FBXL17: variants seen among roughly 807,000 people sequenced by gnomAD.
The protein encoded by FBXL17 is F-box/LRR-repeat protein 17.
Under a neutral mutation model 66.2 loss-of-function variants are expected in FBXL17, and 22 were observed. The ratio of observed to expected loss-of-function variants is 0.33; its 90% CI spans 0.24 to 0.47. The LOEUF (loss-of-function observed/expected upper bound fraction) is 0.47, where lower values mean the gene tolerates loss of function less well. Among genes scored for constraint, FBXL17 ranks in the 20% least tolerant of loss-of-function variants. The probability of loss-of-function intolerance (pLI) is 1.00; values close to 1 mark genes in which losing one functional copy is unlikely to be tolerated. For missense variants in FBXL17, 878 were observed against 948.2 expected (o/e 0.93, Z 0.97); for synonymous variants, 474 against 400.5 (o/e 1.18, Z -2.19).
intron 6 of FBXL17, among the ~76,000 whole-genome samples, chr5:108,149,371 T>C (rs2149994475): frequency 6.6e-6 from 1 of 152,354 alleles, no homozygotes; most frequent in South Asian, 2.1e-4. Context: ...ATTTGAAGAA[T>C]ATCTTAGCTA....
intron 7 of FBXL17, among the ~76,000 whole-genome samples, chr5:107,950,294 C>T (rs1751454398): frequency 6.6e-6 from 1 of 151,856 alleles, no homozygotes; most frequent in Admixed American, 6.6e-5. Flanking sequence ...ATATTTGATC[C>T]CTATTTAACA....
At chr5:108,206,001 C>T (rs1445759374) in intron 5 of FBXL17, among the ~76,000 whole-genome samples, 1 of 152,136 alleles carries the variant, frequency 6.6e-6, no homozygotes, top group African/African-American at 2.4e-5. Context: ...TCTCACTTTT[C>T]TTCATGCTAA....
intron 6 of FBXL17, among the ~76,000 whole-genome samples, chr5:108,085,199 T>A (rs1748922312): frequency 6.6e-6 from 1 of 152,362 alleles, no homozygotes; most frequent in Non-Finnish European, 1.5e-5. Context: ...TTTATAAGTT[T>A]AATTTTAACC....
chr5:108,161,197 C>CATACATACATA (rs1561440676), intron 6 of FBXL17, among the ~76,000 whole-genome samples: 3 of 147,914 alleles, frequency 2.0e-5, no homozygotes, highest in South Asian at 2.2e-4. Flanking sequence ...TACATACATA[C>CATACATACATA]CCCAGCCCAG....
chr5:108,299,814 C>G, intron 4 of FBXL17: 3 of 984,936 alleles, frequency 3.0e-6, no homozygotes, highest in Non-Finnish European at 3.6e-6. Context: ...GACACAATAA[C>G]ACGACAAAAT....
At chr5:107,967,680 T>TA (rs538448000) in intron 7 of FBXL17, among the ~76,000 whole-genome samples, 294 of 143,060 alleles carry the variant, frequency 2.1e-3, no homozygotes, top group Admixed American at 5.6e-3. Flanking sequence ...TAAAGTATAA[T>TA]AAAAAAAAAA....
At chr5:108,068,962 T>A (rs567631869) in intron 6 of FBXL17, among the ~76,000 whole-genome samples, 10 of 152,302 alleles carry the variant, frequency 6.6e-5, no homozygotes, top group African/African-American at 2.4e-4. Flanking sequence ...GGCCTTGGAA[T>A]TGATGTAAGA....
intron 7 of FBXL17, among the ~76,000 whole-genome samples, chr5:107,931,257 ATTTT>A (rs59275945): frequency 9.2e-4 from 105 of 113,772 alleles, no homozygotes; most frequent in African/African-American, 2.7e-3. Flanking sequence ...GTTAAAGAGA[ATTTT>A]TTTTTTTTTT....
At position 107,919,367 on chromosome 5, in the gene FBXL17, C is replaced by T. The variant is rs76324674; in HGVS notation, c.1823-38188G>A. On this transcript the variant is annotated intron_variant, in intron 7 of 8. Coordinates refer to ENST00000542267, the MANE Select transcript of FBXL17 (RefSeq NM_001163315.3). The stretch of plus-strand genomic sequence containing the variant: ...GTCCAAGCCTGGATTACTGATGGAT[C>T]GCAACAGCTTCCTGACAGGTACCTC... Among the ~76,000 whole-genome samples the T allele has an allele frequency of 6.4e-4, 98 of 152,268 alleles. 3 individuals are homozygous for T. In the East Asian group the frequency reaches 0.014, roughly 21 times the overall value.
At chr5:108,241,266 A>T (rs1327074353) in intron 4 of FBXL17, among the ~76,000 whole-genome samples, 1 of 152,222 alleles carries the variant, frequency 6.6e-6, no homozygotes, top group East Asian at 1.9e-4. Context: ...GCAGAGAAGG[A>T]ATTCAGAATT....
chr5:108,112,632 A>G (rs1365819696), intron 6 of FBXL17, among the ~76,000 whole-genome samples: 2 of 152,220 alleles, frequency 1.3e-5, no homozygotes, highest in Non-Finnish European at 2.9e-5. Context: ...ATATAAATAG[A>G]CATATAAATG....
chr5:108,104,931 T>C (rs1749736502), intron 6 of FBXL17, among the ~76,000 whole-genome samples: 1 of 152,094 alleles, frequency 6.6e-6, no homozygotes, highest in Non-Finnish European at 1.5e-5. Flanking sequence ...AACCCCCACC[T>C]CCCGGGTTCA....
intron 7 of FBXL17, among the ~76,000 whole-genome samples, chr5:108,018,198 T>C (rs926862672): frequency 6.6e-6 from 1 of 152,144 alleles, no homozygotes; most frequent in Non-Finnish European, 1.5e-5. Flanking sequence ...AGGATGAATT[T>C]CCCGCTGTAT....
intron 4 of FBXL17, among the ~76,000 whole-genome samples, chr5:108,288,767 A>T (rs540270028): frequency 6.6e-6 from 1 of 152,074 alleles, no homozygotes; most frequent in East Asian, 1.9e-4. Flanking sequence ...TACAATAACA[A>T]AAAAGTTGAA....
chr5:108,082,036 C>T (rs1175206027), intron 6 of FBXL17, among the ~76,000 whole-genome samples: 2 of 152,026 alleles, frequency 1.3e-5, no homozygotes, highest in Non-Finnish European at 2.9e-5. Flanking sequence ...GGGCAGAAGC[C>T]TAGTAGTTGA....
chr5:108,105,121 G>A (rs148192343), intron 6 of FBXL17, among the ~76,000 whole-genome samples: 5 of 152,304 alleles, frequency 3.3e-5, no homozygotes, highest in East Asian at 3.9e-4. Context: ...GATTACAGGC[G>A]TGAGCCACCA....
intron 7 of FBXL17, among the ~76,000 whole-genome samples, chr5:108,005,137 A>C (rs934709831): frequency 1.3e-5 from 2 of 151,266 alleles, no homozygotes; most frequent in African/African-American, 4.9e-5. Context: ...TGGAGACCAG[A>C]CTGAATAGGC....
chr5:107,996,558 G>A (rs11744774), intron 7 of FBXL17, among the ~76,000 whole-genome samples: 34,174 of 152,110 alleles, frequency 0.22, 4,270 homozygotes, highest in Middle Eastern at 0.29. Context: ...CAGGTGATCC[G>A]CCCACTTGGG....
At chr5:107,875,623 G>A (rs1748596353) in intron 8 of FBXL17, among the ~76,000 whole-genome samples, 2 of 152,066 alleles carry the variant, frequency 1.3e-5, no homozygotes, top group African/African-American at 4.8e-5. Flanking sequence ...TTATGGATTT[G>A]ATTTTAAAAA....
Sources: gnomAD v4.1 joint callset for allele counts (sites outside exome capture counted in the v4.1 genomes callset) on GRCh38, gnomAD v4.1.1 for gene constraint, MANE v1.5 for transcripts, NCBI Gene and HGNC (gene_info 2026-07-23, HGNC 2026-07-21) for gene names.